GREM2: variants seen among roughly 807,000 people sequenced by gnomAD.
The protein encoded by GREM2 is gremlin 2, DAN family BMP antagonist, also known as gremlin-2.
A neutral mutation model predicts 14.2 loss-of-function variants in GREM2; 11 were observed. That is an observed-to-expected ratio of 0.78 (90% CI 0.49 to 1.28). The LOEUF (loss-of-function observed/expected upper bound fraction) is 1.28. Among genes scored for constraint, GREM2 ranks in the 50% most tolerant of loss-of-function variants. The pLI, the probability that GREM2 is intolerant of heterozygous loss-of-function variation, is 0.00. For synonymous variants in GREM2, 98 were observed against 97.6 expected (o/e 1.00, Z -0.02); for missense variants, 210 against 218.5 (o/e 0.96, Z 0.24).
chr1:240,521,377 G>T (rs1678087368), intron 1 of GREM2, among the ~76,000 whole-genome samples: 1 of 152,008 alleles, frequency 6.6e-6, no homozygotes, highest in Admixed American at 6.6e-5. Flanking sequence ...GACCATCCTG[G>T]CTAACACGGT....
intron 1 of GREM2, among the ~76,000 whole-genome samples, chr1:240,583,902 T>C (rs928676106): frequency 2.6e-5 from 4 of 151,798 alleles, no homozygotes; most frequent in African/African-American, 9.7e-5. Flanking sequence ...GCGCCCAGCC[T>C]TCATCTCTAT....
rs12070368 is a variant in GREM2 at position 240,606,163 on chromosome 1, G to A, written c.-2+5721C>T. ...TCCTAGCTCTAAATTAGCTGCAGCT[G>A]GATCTCAATAGATTCAGATCAGAAA... On this transcript the variant is annotated intron_variant, in intron 1 of 1. Transcript: ENST00000318160. 4.1e-4 allele frequency among the ~76,000 whole-genome samples: 62 copies of A among 152,230 alleles called. 1 individual carries two copies. The highest frequency in any genetic ancestry group is 1.5e-3 in the African/African-American group (61 of 41,544).
intron 1 of GREM2, among the ~76,000 whole-genome samples, chr1:240,505,760 GAA>G (rs1677663228): frequency 6.7e-6 from 1 of 150,252 alleles, no homozygotes; most frequent in Non-Finnish European, 1.5e-5. Flanking sequence ...AAAAAAAAAA[GAA>G]TGATATGGTG....
chr1:240,504,792 G>A (rs968378914), intron 1 of GREM2, among the ~76,000 whole-genome samples: 1 of 152,142 alleles, frequency 6.6e-6, no homozygotes, highest in Non-Finnish European at 1.5e-5. Context: ...GATAATGATT[G>A]CTGTTAGATT....
At chr1:240,570,099 C>T (rs1180564633) in intron 1 of GREM2, among the ~76,000 whole-genome samples, 2 of 152,090 alleles carry the variant, frequency 1.3e-5, no homozygotes, top group Admixed American at 6.6e-5. Flanking sequence ...GACACTTATT[C>T]GATTTTCATA....
At chr1:240,583,576 C>T (rs1315163835) in intron 1 of GREM2, among the ~76,000 whole-genome samples, 1 of 151,528 alleles carries the variant, frequency 6.6e-6, no homozygotes, top group African/African-American at 2.4e-5. Context: ...CCCTTTCTCC[C>T]ACTTTCTCCC....
intron 1 of GREM2, among the ~76,000 whole-genome samples, chr1:240,514,530 T>C (rs992016795): frequency 7.9e-5 from 12 of 152,152 alleles, no homozygotes; most frequent in Non-Finnish European, 4.4e-5. Flanking sequence ...GATGAACATA[T>C]TTAAACAGAA....
chr1:240,562,889 AGTGTGTATGT>A (rs1679080588), intron 1 of GREM2, among the ~76,000 whole-genome samples: 1 of 136,648 alleles, frequency 7.3e-6, no homozygotes, highest in African/African-American at 2.8e-5. Context: ...TGTGTGTATG[AGTGTGTATGT>A]GTGTATGTAT....
chr1:240,514,900 C>T (rs1677919235), intron 1 of GREM2, among the ~76,000 whole-genome samples: 1 of 152,146 alleles, frequency 6.6e-6, no homozygotes. Flanking sequence ...GCCTCTGTGC[C>T]TCTGCACTCC....
chr1:240,504,264 C>G lies in GREM2; in HGVS notation c.-1-10788G>C, dbSNP rs575824920. Among the ~76,000 whole-genome samples the G allele has an allele frequency of 4.2e-3, 646 of 152,270 alleles. 5 individuals are homozygous for G. Among genetic ancestry groups the G allele is most frequent in the African/African-American group, 0.015 (614 of 41,536 alleles). On this transcript the variant is annotated intron_variant, in intron 1 of 1. Transcript: ENST00000318160. ...TTTTATTTCAAAGTGTGTTCCACCCCTCTTTGCTCCTTCAATCACTGATCT... is the reference window on the plus strand; with the variant it reads ...TTTTATTTCAAAGTGTGTTCCACCCGTCTTTGCTCCTTCAATCACTGATCT...
In GREM2 at chr1:240,540,812, C is replaced by T. The variant is rs539390939; in HGVS notation, c.-1-47336G>A. ...TACTGACCTCGTGATCTGCCTGCCT[C>T]GGCCTCCCAAAGTGCTGGGATTACA... is the stretch of plus-strand genomic sequence containing the variant. On this transcript the variant is annotated intron_variant, in intron 1 of 1. Transcript: ENST00000318160. This position sits in a 1 kb window ranked among gnomAD's most constrained non-coding sequence, Gnocchi z 4.2. Among the ~76,000 whole-genome samples the T allele has an allele frequency of 2.2e-4, 33 of 152,242 alleles. No homozygotes were observed. The highest frequency in any genetic ancestry group is 7.2e-4 in the African/African-American group (30 of 41,548).
chr1:240,546,356 CAAAG>C lies in GREM2; in HGVS notation c.-1-52884_-1-52881del, dbSNP rs1186116770. Among the ~76,000 whole-genome samples, 25 of 139,360 alleles carry C rather than the reference CAAAG, an allele frequency of 1.8e-4. 1 individual carries two copies. The South Asian group carries it at 3.8e-3, about 21-fold the overall frequency. 91.4% of individuals were successfully genotyped at this position (139,360 alleles called of 152,430 possible). Reference sequence around the variant, plus strand: ...AGACTCAGTCTAAAAAAAAAAAAAACAAAGAAAGAAAATTTTGTTGCTTATTCAT... The same window carrying C: ...AGACTCAGTCTAAAAAAAAAAAAAACAAAGAAAATTTTGTTGCTTATTCAT... On this transcript the variant is annotated intron_variant, in intron 1 of 1. Coordinates refer to ENST00000318160, the MANE Select transcript of GREM2 (RefSeq NM_022469.4).
rs1413287367 is a variant in GREM2 at position 240,492,246 on chromosome 1, C to T, written c.*723G>A. On this transcript the variant is annotated 3_prime_UTR_variant, in exon 2 of 2. Transcript: ENST00000318160. ...ATGCACACCAGAGTTCATCTTTAGTCCACAAATAGGGGGCGGGGACAGTGA... is the reference window on the plus strand; with the variant it reads ...ATGCACACCAGAGTTCATCTTTAGTTCACAAATAGGGGGCGGGGACAGTGA... 1.1e-5 allele frequency: 5 copies of T among 452,416 alleles called. No individual in the cohort carries two copies. In the East Asian group the frequency reaches 2.1e-4, roughly 19 times the overall value. The allele number at this position is 452,416 out of a possible 1,614,324, so 28.0% of individuals were successfully genotyped here.
At chr1:240,504,998 G>C (rs1284249473) in intron 1 of GREM2, among the ~76,000 whole-genome samples, 15 of 152,122 alleles carry the variant, frequency 9.9e-5, no homozygotes, top group Admixed American at 9.8e-4. Context: ...GGTGGGGCCT[G>C]GTGGAAGGTG....
At chr1:240,509,360 A>ATTTTTTT in intron 1 of GREM2, among the ~76,000 whole-genome samples, 1 of 112,040 alleles carries the variant, frequency 8.9e-6, no homozygotes, top group Non-Finnish European at 1.8e-5. Context: ...AGCTCATTTG[A>ATTTTTTT]TTTTTTTTTT....
At chr1:240,544,359 G>A (rs1432932699) in intron 1 of GREM2, among the ~76,000 whole-genome samples, 1 of 152,144 alleles carries the variant, frequency 6.6e-6, no homozygotes, top group Non-Finnish European at 1.5e-5. Flanking sequence ...ATGTTAGCCA[G>A]GATGGTCTCG....
chr1:240,579,941 G>A (rs1244996521), intron 1 of GREM2, among the ~76,000 whole-genome samples: 1 of 152,216 alleles, frequency 6.6e-6, no homozygotes, highest in Non-Finnish European at 1.5e-5. Flanking sequence ...ATGGGGCAGT[G>A]TGAGGGAGCA....
chr1:240,571,899 A>C (rs1399903931), intron 1 of GREM2, among the ~76,000 whole-genome samples: 1 of 152,092 alleles, frequency 6.6e-6, no homozygotes, highest in Non-Finnish European at 1.5e-5. Context: ...AAAGAAGCCA[A>C]ACGCCAGAGC....
In GREM2 at chr1:240,526,259, G is replaced by A. The variant is rs74865412; in HGVS notation, c.-1-32783C>T. ...AACGTGATTCAGATACCCAGGTGGT[G>A]GACAATTCATCCTGAGACATTAGGA... On this transcript the variant is annotated intron_variant, in intron 1 of 1. Transcript: ENST00000318160. Among the ~76,000 whole-genome samples the A allele has an allele frequency of 1.1e-3, 164 of 152,250 alleles. No individual in the cohort carries two copies. In the East Asian group the frequency reaches 0.027, roughly 25 times the overall value.
Sources: allele counts gnomAD v4.1 joint callset (sites outside exome capture counted in the v4.1 genomes callset), GRCh38; gene constraint gnomAD v4.1.1; non-coding constraint Gnocchi (gnomAD v3.1); transcripts MANE v1.5; gene names NCBI Gene and HGNC (gene_info 2026-07-23, HGNC 2026-07-21).